Variants in TOX observed in about 807,000 individuals in gnomAD.
TOX encodes thymocyte selection-associated high mobility group box protein TOX.
In TOX, 11 loss-of-function variants were observed where a neutral mutation model predicts 53.7. The observed-to-expected ratio is 0.20, with a 90% CI of 0.13 to 0.34. The LOEUF is 0.34. TOX is among the 10% of genes least tolerant of loss of function. The probability of loss-of-function intolerance (pLI) is 1.00; values close to 1 mark genes in which losing one functional copy is unlikely to be tolerated. For synonymous variants in TOX, 225 were observed against 245.3 expected (o/e 0.92, Z 0.77); for missense variants, 570 against 664.6 (o/e 0.86, Z 1.56).
At chr8:59,044,250 G>C (rs1015724640) in intron 1 of TOX, among the ~76,000 whole-genome samples, 6 of 120,044 alleles carry the variant, frequency 5.0e-5, no homozygotes, top group African/African-American at 2.3e-4. Context: ...AAAAAAAGGT[G>C]GACGACAGCC....
At chr8:58,863,703 C>T (rs554832499) in intron 3 of TOX, among the ~76,000 whole-genome samples, 10 of 152,140 alleles carry the variant, frequency 6.6e-5, no homozygotes, top group Non-Finnish European at 1.5e-4. Flanking sequence ...ATTTAATGCA[C>T]TAATTTCTTT....
intron 3 of TOX, among the ~76,000 whole-genome samples, chr8:58,888,457 A>G (rs1811507867): frequency 1.3e-5 from 2 of 152,128 alleles, no homozygotes; most frequent in African/African-American, 4.8e-5. Flanking sequence ...AAAGAACTCA[A>G]TATCATTAAG....
chr8:58,884,479 A>G lies in TOX; in HGVS notation c.412-32674T>C, dbSNP rs187857534. Among the ~76,000 whole-genome samples, 302 of 152,280 alleles carry G rather than the reference A, an allele frequency of 2.0e-3. 2 individuals carry two copies. The highest frequency in any genetic ancestry group is 7.0e-3 in the African/African-American group (292 of 41,564). On this transcript the variant is annotated intron_variant, in intron 3 of 8. Coordinates refer to ENST00000361421, the MANE Select transcript of TOX (RefSeq NM_014729.3). ...GTGAAGTTCATTACAGCAGTAATAA[A>G]TCATTAGTCTCTGCAAAATGATTTA...
At chr8:58,867,282 T>C (rs539859544) in intron 3 of TOX, among the ~76,000 whole-genome samples, 4 of 152,278 alleles carry the variant, frequency 2.6e-5, no homozygotes, top group East Asian at 3.9e-4. Context: ...TTTGATGTTG[T>C]TCTTTTTTAA....
At chr8:58,867,710 A>G (rs78574756) in intron 3 of TOX, among the ~76,000 whole-genome samples, 30 of 152,212 alleles carry the variant, frequency 2.0e-4, no homozygotes, top group African/African-American at 7.2e-4. Flanking sequence ...GGTGGTGTCA[A>G]TGTGGCTAGT....
chr8:58,944,512 A>G (rs1425667064), intron 2 of TOX, among the ~76,000 whole-genome samples: 1 of 152,218 alleles, frequency 6.6e-6, no homozygotes, highest in Non-Finnish European at 1.5e-5. Flanking sequence ...GAGAATACGC[A>G]TGACTTCTTC....
intron 1 of TOX, among the ~76,000 whole-genome samples, chr8:59,069,061 G>A (rs911089555): frequency 7.9e-5 from 12 of 152,176 alleles, no homozygotes; most frequent in African/African-American, 2.2e-4. Context: ...GGGCTCCTGC[G>A]ACATGGCCAG....
At chr8:58,985,194 GT>G in intron 1 of TOX, among the ~76,000 whole-genome samples, 1 of 151,134 alleles carries the variant, frequency 6.6e-6, no homozygotes, top group East Asian at 1.9e-4. Context: ...TCATACTCAT[GT>G]CCATAGTGGC....
In TOX at chr8:58,805,730, CAAT is replaced by C. The variant is rs1373267728; in HGVS notation, c.*2014_*2016del. 1 of 152,562 alleles carries C rather than the reference CAAT, an allele frequency of 6.6e-6. No homozygotes were observed. The highest frequency in any genetic ancestry group is 2.4e-5 in the African/African-American group (1 of 41,438). The allele number at this position is 152,562 out of a possible 1,614,324, so 9.5% of individuals were successfully genotyped here. On this transcript the variant is annotated 3_prime_UTR_variant, in exon 9 of 9. Transcript: ENST00000361421. ...ATTTCTAAAATACTAAACAGACAAA[CAAT>C]AAACTGTGAACTTAATCACATGAGT...
chr8:58,886,387 C>T (rs1441702046), intron 3 of TOX, among the ~76,000 whole-genome samples: 1 of 152,098 alleles, frequency 6.6e-6, no homozygotes, highest in African/African-American at 2.4e-5. Flanking sequence ...AAAGTGTTGA[C>T]ATCACAGCTG....
At chr8:58,832,704 C>T (rs551190883) in intron 5 of TOX, among the ~76,000 whole-genome samples, 1 of 152,252 alleles carries the variant, frequency 6.6e-6, no homozygotes, top group East Asian at 1.9e-4. Flanking sequence ...ACACTTGCCA[C>T]TTCTACCAGG....
chr8:59,054,717 AT>A, intron 1 of TOX, among the ~76,000 whole-genome samples: 1 of 149,842 alleles, frequency 6.7e-6, no homozygotes, highest in Non-Finnish European at 1.5e-5. Context: ...GTATACTCTC[AT>A]AAATTACAGA....
At chr8:58,818,508 C>G (rs1366342377) in intron 6 of TOX, among the ~76,000 whole-genome samples, 1 of 152,126 alleles carries the variant, frequency 6.6e-6, no homozygotes, top group Middle Eastern at 3.2e-3. Context: ...CTGATTCCTC[C>G]AAAAGGGCAT....
intron 1 of TOX, among the ~76,000 whole-genome samples, chr8:59,049,318 C>T (rs1803746380): frequency 1.3e-5 from 2 of 152,136 alleles, no homozygotes; most frequent in African/African-American, 4.8e-5. Context: ...AGTGGCTGAT[C>T]AATAAACTCT....
At chr8:58,854,237 C>A (rs979150236) in intron 3 of TOX, among the ~76,000 whole-genome samples, 1 of 152,178 alleles carries the variant, frequency 6.6e-6, no homozygotes, top group South Asian at 2.1e-4. Flanking sequence ...TCCCAAGTTA[C>A]AAAACACGTA....
chr8:58,987,430 G>A (rs1005076443), intron 1 of TOX, among the ~76,000 whole-genome samples: 4 of 152,190 alleles, frequency 2.6e-5, no homozygotes, highest in Non-Finnish European at 5.9e-5. Flanking sequence ...TCAAGACATG[G>A]AGTAGAATTT....
At chr8:59,048,269 T>A (rs1309984838) in intron 1 of TOX, among the ~76,000 whole-genome samples, 1 of 152,216 alleles carries the variant, frequency 6.6e-6, no homozygotes, top group East Asian at 1.9e-4. Context: ...GACCATTATC[T>A]GTAGCAATAA....
intron 1 of TOX, among the ~76,000 whole-genome samples, chr8:59,003,786 T>C (rs1585957278): frequency 6.6e-6 from 1 of 152,224 alleles, no homozygotes; most frequent in African/African-American, 2.4e-5. Context: ...CATCTTAGAC[T>C]TTGGACAGCT....
intron 6 of TOX, among the ~76,000 whole-genome samples, chr8:58,819,675 G>A (rs1339092599): frequency 6.6e-6 from 1 of 152,178 alleles, no homozygotes; most frequent in African/African-American, 2.4e-5. Flanking sequence ...GTATAATGAA[G>A]ATAATACTGC....
Sources: allele counts gnomAD v4.1 joint callset (sites outside exome capture counted in the v4.1 genomes callset), GRCh38; gene constraint gnomAD v4.1.1; transcripts MANE v1.5; gene names NCBI Gene and HGNC (gene_info 2026-07-23, HGNC 2026-07-21).